Variants in PIBF1 observed in about 807,000 individuals in gnomAD.
PIBF1 encodes progesterone-induced-blocking factor 1.
In PIBF1, 90 loss-of-function variants were observed where a neutral mutation model predicts 112.5. That is an observed-to-expected ratio of 0.80 (90% CI 0.67 to 0.95). PIBF1 has a LOEUF of 0.95. Ranked by LOEUF, PIBF1 falls within the 40% of genes least tolerant of loss-of-function variation. The pLI is 0.00. For synonymous variants in PIBF1, 301 were observed against 288.6 expected (o/e 1.04, Z -0.44); for missense variants, 915 against 852.3 (o/e 1.07, Z -0.92).
intron 10 of PIBF1, among the ~76,000 whole-genome samples, chr13:72,886,530 T>C (rs1423699740): frequency 2.0e-5 from 3 of 152,056 alleles, no homozygotes; most frequent in Non-Finnish European, 4.4e-5. Context: ...TTCCTTTCCT[T>C]ACATTTGTTT....
intron 15 of PIBF1, among the ~76,000 whole-genome samples, chr13:72,967,452 G>T (rs1196769014): frequency 6.6e-6 from 1 of 152,090 alleles, no homozygotes; most frequent in Non-Finnish European, 1.5e-5. Context: ...AACAAATTCA[G>T]CCATAGAGAA....
chr13:72,816,134 T>C (rs2036262217), intron 5 of PIBF1, among the ~76,000 whole-genome samples: 1 of 152,218 alleles, frequency 6.6e-6, no homozygotes, highest in South Asian at 2.1e-4. Flanking sequence ...TAGTGGGTGA[T>C]GTCTTAATAC....
At chr13:73,005,988 C>T (rs2044022116) in intron 17 of PIBF1, among the ~76,000 whole-genome samples, 1 of 148,344 alleles carries the variant, frequency 6.7e-6, no homozygotes, top group Non-Finnish European at 1.5e-5. Context: ...GGTGCAAACT[C>T]GGCTCACTGC....
chr13:72,821,893 A>T lies in PIBF1; in HGVS notation c.717A>T (p.Arg239Ser), dbSNP rs61731743. 51 of 1,612,710 alleles carry T rather than the reference A, an allele frequency of 3.2e-5. 1 individual carries two copies. In the South Asian group the frequency reaches 3.4e-4, roughly 11 times the overall value. ...AAAACTACTCTGAAGTTCAAATTAG[A>T]TGTCAACGTTTGGCCTTAGAATTAG... ...DRKNYSEVQI[R>S]CQRLALELAD... Residue 239 changes from arginine (R) to serine (S), a missense_variant, in exon 6 of 18, where the codon AGA becomes AGT. Physicochemically the swap from Arg to Ser is moderately radical, Grantham distance 110 (BLOSUM62 -1). Coordinates refer to ENST00000326291, the MANE Select transcript of PIBF1 (RefSeq NM_006346.4).
chr13:72,880,823 A>T (rs1419915988), intron 10 of PIBF1, among the ~76,000 whole-genome samples: 2 of 152,118 alleles, frequency 1.3e-5, no homozygotes, highest in African/African-American at 2.4e-5. Flanking sequence ...GGTTCAGGGG[A>T]TATATGTGCA....
chr13:72,959,239 A>G (rs1594272976), intron 14 of PIBF1, among the ~76,000 whole-genome samples: 1 of 151,774 alleles, frequency 6.6e-6, no homozygotes, highest in African/African-American at 2.4e-5. Flanking sequence ...CAAGCAATCC[A>G]CCCACCTTGG....
At chr13:72,945,922 A>G (rs1223199839) in intron 14 of PIBF1, among the ~76,000 whole-genome samples, 1 of 152,170 alleles carries the variant, frequency 6.6e-6, no homozygotes, top group Non-Finnish European at 1.5e-5. Flanking sequence ...CAGTCATAGC[A>G]CTTTATGAAA....
At chr13:72,861,915 A>G (rs2038714627) in intron 10 of PIBF1, among the ~76,000 whole-genome samples, 2 of 152,194 alleles carry the variant, frequency 1.3e-5, no homozygotes, top group Non-Finnish European at 2.9e-5. Flanking sequence ...AATAAAAAGG[A>G]ATGGAAGAGA....
At chr13:72,784,152 C>G (rs1410408147) in intron 2 of PIBF1, among the ~76,000 whole-genome samples, 1 of 150,768 alleles carries the variant, frequency 6.6e-6, no homozygotes, top group South Asian at 2.1e-4. Context: ...TCACAATGTA[C>G]GTATACTTCA....
At chr13:72,877,650 A>G (rs1282940977) in intron 10 of PIBF1, among the ~76,000 whole-genome samples, 1 of 152,044 alleles carries the variant, frequency 6.6e-6, no homozygotes, top group Non-Finnish European at 1.5e-5. Flanking sequence ...TGTCTAATTT[A>G]TGAAGTTTGA....
chr13:72,895,983 T>G (rs1326301438), intron 11 of PIBF1, among the ~76,000 whole-genome samples: 1 of 151,946 alleles, frequency 6.6e-6, no homozygotes, highest in African/African-American at 2.4e-5. Flanking sequence ...GGGAACTGGG[T>G]GAGGCCTGTG....
chr13:72,869,471 TG>T (rs2039066077), intron 10 of PIBF1, among the ~76,000 whole-genome samples: 1 of 68,142 alleles, frequency 1.5e-5, no homozygotes, highest in Admixed American at 2.0e-4. Context: ...TGTTGTGGGG[TG>T]GGGGGAGGGG....
Position 72,998,889 on chromosome 13 carries a change from T to C in PIBF1, c.2117T>C (p.Leu706Pro), listed in dbSNP as rs759827353. Residue 706 changes from leucine to proline, a missense_variant, in exon 17 of 18, where the codon CTC becomes CCC. Coordinates refer to ENST00000326291, the MANE Select transcript of PIBF1 (RefSeq NM_006346.4). ...HSKHSENSLL[L>P]TKTEPKHVTE... The stretch of plus-strand genomic sequence containing the variant: ...AAACATTCTGAGAACAGCTTACTTC[T>C]CACTAAAACAGAACCAAAACATGTG... 6.2e-7 allele frequency: 1 copy of C among 1,612,294 alleles called. No individual in the cohort carries two copies. The highest frequency in any genetic ancestry group is 8.5e-7 in the Non-Finnish European group (1 of 1,178,620).
chr13:72,853,936 G>A (rs891241723), intron 9 of PIBF1, 121 bp from the exon 10 acceptor site: 2 of 709,896 alleles, frequency 2.8e-6, no homozygotes, highest in South Asian at 1.7e-5. Context: ...TTTATATAGT[G>A]TACACTTTGG....
rs145511213 is a variant in PIBF1, at chr13:72,833,734, C to A, written c.1098-1509C>A. Among the ~76,000 whole-genome samples the A allele has an allele frequency of 1.7e-4, 26 of 152,218 alleles. No homozygotes were observed. The East Asian group carries it at 4.9e-3, about 28-fold the overall frequency. ...GTCAGGATACACGGGGGTCAGGGAC[C>A]CACTTGAGGAGGCAGTCTGACCCTT... is the stretch of plus-strand genomic sequence containing the variant. On this transcript the variant is annotated intron_variant, in intron 8 of 17. Transcript: ENST00000326291.
At chr13:72,964,887 C>T (rs2042699471) in intron 14 of PIBF1, among the ~76,000 whole-genome samples, 1 of 152,074 alleles carries the variant, frequency 6.6e-6, no homozygotes, top group Non-Finnish European at 1.5e-5. Flanking sequence ...CATGCTGAAA[C>T]CCCATCTCTA....
chr13:72,905,751 C>A (rs1236393330), intron 11 of PIBF1, among the ~76,000 whole-genome samples: 2 of 152,100 alleles, frequency 1.3e-5, no homozygotes, highest in African/African-American at 4.8e-5. Flanking sequence ...TTGCAAAGGA[C>A]TCTCATAGAC....
chr13:72,889,893 T>G (rs1455037014), intron 10 of PIBF1, among the ~76,000 whole-genome samples: 2 of 152,186 alleles, frequency 1.3e-5, no homozygotes, highest in African/African-American at 2.4e-5. Flanking sequence ...GGTTCAAAAT[T>G]TTTAATGTAA....
chr13:72,928,736 G>A (rs781568117), intron 13 of PIBF1, among the ~76,000 whole-genome samples: 7 of 152,148 alleles, frequency 4.6e-5, no homozygotes, highest in East Asian at 1.9e-4. Context: ...CACCTCACCC[G>A]GCAAGAATTT....
Sources: gnomAD v4.1 joint callset for allele counts (sites outside exome capture counted in the v4.1 genomes callset) on GRCh38, gnomAD v4.1.1 for gene constraint, MANE v1.5 for transcripts, NCBI Gene and HGNC (gene_info 2026-07-23, HGNC 2026-07-21) for gene names.